PTPRD: variants seen among roughly 807,000 people sequenced by gnomAD.
PTPRD encodes the protein receptor-type tyrosine-protein phosphatase delta.
A neutral mutation model predicts 214.5 loss-of-function variants in PTPRD; 34 were observed. The ratio of observed to expected loss-of-function variants is 0.16; its 90% CI spans 0.12 to 0.21. PTPRD has a LOEUF of 0.21. PTPRD is among the 10% of genes least tolerant of loss of function. The pLI, the probability that PTPRD is intolerant of heterozygous loss-of-function variation, is 1.00. For synonymous variants in PTPRD, 1,128 were observed against 845.7 expected (o/e 1.33, Z -5.79); for missense variants, 2,545 against 2,398.7 (o/e 1.06, Z -1.27).
At chr9:9,004,502 T>C (rs935505190) in intron 11 of PTPRD, among the ~76,000 whole-genome samples, 3 of 152,012 alleles carry the variant, frequency 2.0e-5, no homozygotes, top group African/African-American at 7.2e-5. Flanking sequence ...TTGGCTCTTG[T>C]TGGCTAAGAT....
chr9:8,870,120 A>C (rs535929442), intron 11 of PTPRD, among the ~76,000 whole-genome samples: 2 of 140,192 alleles, frequency 1.4e-5, no homozygotes, highest in Non-Finnish European at 3.0e-5. Flanking sequence ...ATCTCTTTCC[A>C]TCAGTTAAAA....
At chr9:8,526,505 G>T (rs1056365533) in intron 17 of PTPRD, 122 bp downstream of exon 17, 7 of 623,958 alleles carry the variant, frequency 1.1e-5, no homozygotes, top group African/African-American at 7.9e-5. Flanking sequence ...ACAGTACAAA[G>T]AAAAAAAAAA....
chr9:10,120,139 T>G (rs1409134416), intron 3 of PTPRD, among the ~76,000 whole-genome samples: 2 of 152,046 alleles, frequency 1.3e-5, no homozygotes, highest in African/African-American at 4.8e-5. Flanking sequence ...GTGCTAAGAA[T>G]TTTACACTTC....
chr9:8,516,262 T>C (rs2097778927), intron 21 of PTPRD, among the ~76,000 whole-genome samples: 1 of 152,124 alleles, frequency 6.6e-6, no homozygotes, highest in African/African-American at 2.4e-5. Flanking sequence ...TTTCTGCATA[T>C]TACTACAGCA....
chr9:9,891,013 T>A (rs1308894976), intron 5 of PTPRD, among the ~76,000 whole-genome samples: 1 of 152,254 alleles, frequency 6.6e-6, no homozygotes, highest in African/African-American at 2.4e-5. Context: ...AAATGCAAGT[T>A]GATTTTTTCC....
intron 9 of PTPRD, among the ~76,000 whole-genome samples, chr9:9,320,551 C>T (rs540747044): frequency 3.9e-5 from 6 of 152,222 alleles, no homozygotes; most frequent in African/African-American, 1.4e-4. Flanking sequence ...GTAGTACACA[C>T]CAGTCCTTTA....
At chr9:10,574,120 A>G (rs925799561) in intron 2 of PTPRD, among the ~76,000 whole-genome samples, 16 of 152,144 alleles carry the variant, frequency 1.1e-4, no homozygotes, top group African/African-American at 3.1e-4. Context: ...CACTCATTCT[A>G]TGTAAGACAT....
chr9:10,064,667 C>A (rs12237805), intron 3 of PTPRD, among the ~76,000 whole-genome samples: 11,157 of 151,764 alleles, frequency 0.074, 1,198 homozygotes, highest in African/African-American at 0.23. Context: ...AGACATTAAG[C>A]AATTAACCCA....
chr9:8,951,988 G>T (rs1287719139), intron 11 of PTPRD, among the ~76,000 whole-genome samples: 1 of 151,816 alleles, frequency 6.6e-6, no homozygotes, highest in Non-Finnish European at 1.5e-5. Flanking sequence ...ATTTCTGAAA[G>T]GCCATTCATG....
chr9:9,187,353 T>C (rs62529521), intron 9 of PTPRD, among the ~76,000 whole-genome samples: 2 of 152,072 alleles, frequency 1.3e-5, no homozygotes, highest in Non-Finnish European at 2.9e-5. Context: ...GATTCAAGTA[T>C]AAGGATAGTC....
intron 8 of PTPRD, among the ~76,000 whole-genome samples, chr9:9,561,218 T>C (rs910345995): frequency 2.0e-5 from 3 of 152,162 alleles, no homozygotes; most frequent in Admixed American, 6.5e-5. Flanking sequence ...GTAAACATCA[T>C]ACCTTGGCCT....
intron 6 of PTPRD, among the ~76,000 whole-genome samples, chr9:9,741,738 G>A (rs2098405317): frequency 6.6e-6 from 1 of 152,164 alleles, no homozygotes; most frequent in Admixed American, 6.6e-5. Context: ...AGTTTGCTGA[G>A]AATGATGATT....
chr9:9,735,762 T>C (rs553333014), intron 6 of PTPRD, among the ~76,000 whole-genome samples: 52 of 152,240 alleles, frequency 3.4e-4, no homozygotes, highest in African/African-American at 1.2e-3. Flanking sequence ...GGATGATCTA[T>C]CTCTTAGAAA....
At chr9:10,481,235 G>T (rs1392665544) in intron 2 of PTPRD, among the ~76,000 whole-genome samples, 1 of 152,112 alleles carries the variant, frequency 6.6e-6, no homozygotes, top group Non-Finnish European at 1.5e-5. Context: ...GCCAATGAAT[G>T]TCATTTGGGT....
chr9:8,631,626 A>C (rs1245425212), intron 14 of PTPRD, among the ~76,000 whole-genome samples: 1 of 151,842 alleles, frequency 6.6e-6, no homozygotes, highest in Non-Finnish European at 1.5e-5. Flanking sequence ...ATAGTGCTGG[A>C]AATCTCACTT....
chr9:9,026,794 A>C (rs910584463), intron 10 of PTPRD, among the ~76,000 whole-genome samples: 4 of 151,830 alleles, frequency 2.6e-5, no homozygotes, highest in African/African-American at 9.7e-5. Context: ...TGATTAACAA[A>C]CACCTTTATA....
At chr9:9,399,548 C>T (rs555996717) in intron 8 of PTPRD, among the ~76,000 whole-genome samples, 2 of 152,172 alleles carry the variant, frequency 1.3e-5, no homozygotes, top group South Asian at 2.1e-4. Flanking sequence ...TCTGATATGG[C>T]TTGGCTGTGA....
intron 7 of PTPRD, among the ~76,000 whole-genome samples, chr9:9,586,216 C>A (rs1698684964): frequency 6.6e-6 from 1 of 151,936 alleles, no homozygotes; most frequent in Admixed American, 6.6e-5. Flanking sequence ...AATTACAGGG[C>A]CATCCCTCAA....
intron 2 of PTPRD, among the ~76,000 whole-genome samples, chr9:10,483,824 G>C (rs1033323379): frequency 1.3e-5 from 2 of 152,106 alleles, no homozygotes; most frequent in African/African-American, 4.8e-5. Flanking sequence ...CACACTGCCG[G>C]TGAGAATGTA....
Sources: gnomAD v4.1 joint callset for allele counts (sites outside exome capture counted in the v4.1 genomes callset) on GRCh38, gnomAD v4.1.1 for gene constraint, MANE v1.5 for transcripts, NCBI Gene and HGNC (gene_info 2026-07-23, HGNC 2026-07-21) for gene names.